The following OGT variants were observed in gnomAD, a reference collection of about 807,000 sequenced individuals.
The protein encoded by OGT is O-linked N-acetylglucosamine (GlcNAc) transferase.
A neutral mutation model predicts 75.8 loss-of-function variants in OGT; 3 were observed. That is an observed-to-expected ratio of 0.04 (90% CI 0.02 to 0.10). OGT has a LOEUF of 0.10. Ranked by LOEUF, OGT falls within the 10% of genes least tolerant of loss-of-function variation. OGT has a pLI of 1.00. For missense variants in OGT, 260 were observed against 824.4 expected (o/e 0.32, Z 8.38); for synonymous variants, 257 against 289.7 (o/e 0.89, Z 1.15).
At chrX:71,537,415 C>T (rs2040186747) in intron 2 of OGT, among the ~76,000 whole-genome samples, 1 of 111,784 alleles carries the variant, frequency 8.9e-6, no homozygotes, top group Non-Finnish European at 1.9e-5. Context: ...GATTCTCCTG[C>T]CTCAGCCTCC....
At chrX:71,558,385 C>G (rs748258571) in intron 12 of OGT, among the ~76,000 whole-genome samples, 1 of 104,975 alleles carries the variant, frequency 9.5e-6, no homozygotes, top group South Asian at 4.2e-4. Context: ...TTTTTTGAGA[C>G]ATAGTGTCTC....
chrX:71,559,576 G>C lies in OGT; in HGVS notation c.1762-12G>C. 8.3e-7 allele frequency: 1 copy of C among 1,200,027 alleles called. No homozygotes were observed. Among genetic ancestry groups the C allele is most frequent in the Non-Finnish European group, 1.1e-6 (1 of 886,819 alleles). On this transcript the variant is annotated splice_polypyrimidine_tract_variant and intron_variant, in intron 13 of 21. Transcript: ENST00000373719. Reference sequence around the variant, plus strand: ...GCCAATGTTATTAAATATGCCATGTGCTGCCTTTCAGGTGTTCTGTTATGC... The same window carrying C: ...GCCAATGTTATTAAATATGCCATGTCCTGCCTTTCAGGTGTTCTGTTATGC...
chrX:71,563,444 A>G lies in OGT; in HGVS notation c.2381A>G (p.Gln794Arg). The G allele has an allele frequency of 8.3e-7, 1 of 1,206,972 alleles. No individual in the cohort carries two copies. Among genetic ancestry groups the G allele is most frequent in the Non-Finnish European group, 1.1e-6 (1 of 892,333 alleles). Residue 794 changes from glutamine to arginine, a missense_variant, in exon 18 of 22, where the codon CAG becomes CGG. Transcript: ENST00000373719. Reference protein sequence around the residue: ...EAVIEMINRGQIQITINGFSI... With the variant: ...EAVIEMINRGRIQITINGFSI... ...GTTATTGAAATGATTAACCGAGGAC[A>G]GATTCAAATAACAATTAATGGATTC... is the stretch of plus-strand genomic sequence containing the variant.
At chrX:71,571,069 G>A (rs749256303) in intron 21 of OGT, among the ~76,000 whole-genome samples, 30 of 109,368 alleles carry the variant, frequency 2.7e-4, no homozygotes, top group Non-Finnish European at 5.1e-4. Context: ...CCAAAGTGGC[G>A]GGATTACAGG....
chrX:71,557,404 A>C (rs2040350127), intron 11 of OGT, 89 bp from the exon 12 acceptor site: 1 of 1,066,401 alleles, frequency 9.4e-7, no homozygotes, highest in Non-Finnish European at 1.3e-6. Context: ...TTAATAGGCT[A>C]TCTGACATTA....
At chrX:71,549,295 C>CA (rs35779562) in intron 5 of OGT, among the ~76,000 whole-genome samples, 9,438 of 21,801 alleles carry the variant, frequency 0.43, 2,470 homozygotes, top group Non-Finnish European at 0.53. Context: ...GGCCCTGTCT[C>CA]AAAAAAAAAA....
chrX:71,559,578 T>C lies in OGT; in HGVS notation c.1762-10T>C, dbSNP rs746669051. The stretch of plus-strand genomic sequence containing the variant: ...CAATGTTATTAAATATGCCATGTGC[T>C]GCCTTTCAGGTGTTCTGTTATGCCC... On this transcript the variant is annotated splice_polypyrimidine_tract_variant and intron_variant, in intron 13 of 21. Transcript: ENST00000373719. 8.3e-7 allele frequency: 1 copy of C among 1,201,581 alleles called. No homozygotes were observed. Among genetic ancestry groups the C allele is most frequent in the South Asian group, 1.8e-5 (1 of 55,729 alleles).
intron 8 of OGT, 99 bp from the exon 9 acceptor site, chrX:71,556,581 G>A (rs551839613): frequency 6.6e-6 from 3 of 457,990 alleles, no homozygotes; most frequent in African/African-American, 2.5e-5. Flanking sequence ...AAATTTAGGG[G>A]TTTAAATGTA....
chrX:71,560,401 T>C (rs1221060351), intron 14 of OGT, among the ~76,000 whole-genome samples: 1 of 111,277 alleles, frequency 9.0e-6, no homozygotes, highest in Non-Finnish European at 1.9e-5. Context: ...GAGTAAGTTT[T>C]ATGATAAATT....
At chrX:71,551,369 C>T (rs1271409431) in intron 5 of OGT, among the ~76,000 whole-genome samples, 1 of 112,422 alleles carries the variant, frequency 8.9e-6, no homozygotes, top group Non-Finnish European at 1.9e-5. Context: ...TGGTGGCTCA[C>T]GCCTGTAATC....
intron 21 of OGT, among the ~76,000 whole-genome samples, chrX:71,570,609 T>C (rs979174767): frequency 9.0e-6 from 1 of 111,388 alleles, no homozygotes; most frequent in Non-Finnish European, 1.9e-5. Context: ...AGGCATTCCA[T>C]GTAAAGTACT....
intron 21 of OGT, among the ~76,000 whole-genome samples, chrX:71,568,878 AC>A (rs1012812155): frequency 9.0e-6 from 1 of 110,891 alleles, no homozygotes; most frequent in Admixed American, 9.6e-5. Context: ...AACCAAACAA[AC>A]AAAAAAAACC....
intron 12 of OGT, 147 bp downstream of exon 12, chrX:71,557,819 C>T (rs761105212): frequency 5.3e-5 from 25 of 467,844 alleles, no homozygotes; most frequent in Non-Finnish European, 8.0e-5. Flanking sequence ...CACTTCAGAA[C>T]CCCTTCCATT....
intron 12 of OGT, among the ~76,000 whole-genome samples, chrX:71,558,962 T>TC (rs2040363743): frequency 9.9e-6 from 1 of 100,724 alleles, no homozygotes; most frequent in Non-Finnish European, 2.0e-5. Context: ...TTTTTTTTTT[T>TC]AGTAGAGATT....
At chrX:71,535,259 C>T (rs1228356737) in intron 1 of OGT, among the ~76,000 whole-genome samples, 1 of 110,597 alleles carries the variant, frequency 9.0e-6, no homozygotes, top group Non-Finnish European at 1.9e-5. Flanking sequence ...TATATTTTAG[C>T]GTCCATCCTC....
intron 19 of OGT, among the ~76,000 whole-genome samples, chrX:71,565,298 C>G (rs2040409606): frequency 8.9e-6 from 1 of 112,027 alleles, no homozygotes; most frequent in African/African-American, 3.2e-5. Flanking sequence ...GTGATCTTGG[C>G]TCATGGCAAC....
At chrX:71,554,269 C>T (rs751826500) in intron 5 of OGT, among the ~76,000 whole-genome samples, 1 of 111,492 alleles carries the variant, frequency 9.0e-6, no homozygotes. Flanking sequence ...TTGGAGCAGG[C>T]CCAATATTTA....
At position 71,572,664 on chromosome X, in the gene OGT, G is replaced by T. The variant is rs1180255562; in HGVS notation, c.2967-956G>T. 3.6e-5 allele frequency among the ~76,000 whole-genome samples: 4 copies of T among 111,591 alleles called. 1 individual carries two copies. Among genetic ancestry groups the T allele is most frequent in the Non-Finnish European group, 3.8e-5 (2 of 53,120 alleles). On this transcript the variant is annotated intron_variant, in intron 21 of 21. Transcript: ENST00000373719. Reference sequence around the variant, plus strand: ...TGCCTGTAGTCTCAGCTTCCCGGGAGGCTGGGGCAGGAGGATTGCTTGAGC... The same window carrying T: ...TGCCTGTAGTCTCAGCTTCCCGGGATGCTGGGGCAGGAGGATTGCTTGAGC...
Position 71,538,490 on chromosome X carries a change from G to T in OGT, c.462+418G>T, listed in dbSNP as rs150694677. Among the ~76,000 whole-genome samples the T allele has an allele frequency of 6.9e-3, 778 of 112,311 alleles. 12 individuals are homozygous for T. The highest frequency in any genetic ancestry group is 0.024 in the African/African-American group (733 of 30,998). On this transcript the variant is annotated intron_variant, in intron 3 of 21. Coordinates refer to ENST00000373719, the MANE Select transcript of OGT (RefSeq NM_181672.3). ...GAAACAAGATGCCACTATATGGAAT[G>T]ATGTGAAAATTAGGCTACAAAATTT...
Sources: gnomAD v4.1 joint callset for allele counts (sites outside exome capture counted in the v4.1 genomes callset) on GRCh38, gnomAD v4.1.1 for gene constraint, MANE v1.5 for transcripts, NCBI Gene and HGNC (gene_info 2026-07-23, HGNC 2026-07-21) for gene names.